The following FAM76A variants were observed in gnomAD, a reference collection of about 807,000 sequenced individuals.
FAM76A encodes family with sequence similarity 76 member A, also known as protein FAM76A.
FAM76A carries 32 observed loss-of-function variants against 46.2 expected under a neutral mutation model. The ratio of observed to expected loss-of-function variants is 0.69; its 90% CI spans 0.52 to 0.93. The LOEUF (loss-of-function observed/expected upper bound fraction) is 0.93. Ranked by LOEUF, FAM76A falls within the 40% of genes least tolerant of loss-of-function variation. The probability of loss-of-function intolerance (pLI) is 0.00; values close to 1 mark genes in which losing one functional copy is unlikely to be tolerated. For missense variants in FAM76A, 274 were observed against 361.5 expected (o/e 0.76, Z 1.96); for synonymous variants, 137 against 127.0 (o/e 1.08, Z -0.53).
chr1:27,727,351 A>C (rs917353689), intron 1 of FAM76A, 121 bp from the exon 2 acceptor site: 1 of 741,642 alleles, frequency 1.3e-6, no homozygotes, highest in African/African-American at 1.8e-5. Flanking sequence ...AGGCCCAGAA[A>C]GTTTAAGTGA....
chr1:27,734,870 A>G (rs1284074402), intron 4 of FAM76A, among the ~76,000 whole-genome samples: 2 of 152,242 alleles, frequency 1.3e-5, no homozygotes, highest in African/African-American at 2.4e-5. Flanking sequence ...GAAATTCAAG[A>G]TTACAAGATT....
chr1:27,734,233 G>A, intron 4 of FAM76A, 50 bp downstream of exon 4: 1 of 1,547,440 alleles, frequency 6.5e-7, no homozygotes. Flanking sequence ...GAGAAATTAA[G>A]GTGGACTAAC....
intron 4 of FAM76A, among the ~76,000 whole-genome samples, chr1:27,737,394 G>A (rs1200107789): frequency 1.3e-5 from 2 of 152,114 alleles, no homozygotes; most frequent in Non-Finnish European, 2.9e-5. Context: ...CTCTTACCTG[G>A]GGAAGGTCTT....
At chr1:27,730,817 GT>G (rs552258337) in intron 2 of FAM76A, among the ~76,000 whole-genome samples, 53 of 152,104 alleles carry the variant, frequency 3.5e-4, no homozygotes, top group Non-Finnish European at 6.6e-4. Context: ...GAATAGACTA[GT>G]TTTTTGTGTG....
intron 2 of FAM76A, among the ~76,000 whole-genome samples, chr1:27,729,770 G>A (rs2087924330): frequency 6.6e-6 from 1 of 152,086 alleles, no homozygotes; most frequent in Non-Finnish European, 1.5e-5. Context: ...TTTTGTGTGT[G>A]TGTGGCAAAA....
rs1571470788 is a variant in FAM76A at position 27,734,194 on chromosome 1, G to GT, written c.354+16dup. The GT allele has an allele frequency of 1.8e-5, 28 of 1,561,368 alleles. No homozygotes were observed. The highest frequency in any genetic ancestry group is 2.4e-5 in the Non-Finnish European group (28 of 1,159,188). On this transcript the variant is annotated intron_variant, in intron 4 of 8. Transcript: ENST00000373954. ...GATGATAGAAAGAAGGTAAATCTCT[G>GT]TTTTTCTTGATTTCTTTTTTTCCTT...
chr1:27,754,128 C>T (rs975637138), intron 6 of FAM76A, among the ~76,000 whole-genome samples: 9 of 109,122 alleles, frequency 8.2e-5, no homozygotes, highest in Admixed American at 3.7e-4. Context: ...TTTTTTGAGA[C>T]GGAGTTTCGC....
intron 6 of FAM76A, among the ~76,000 whole-genome samples, chr1:27,750,890 C>T (rs915911675): frequency 3.9e-5 from 6 of 152,138 alleles, no homozygotes; most frequent in African/African-American, 1.2e-4. Flanking sequence ...TCATTTTGAC[C>T]AGGCACAGTC....
At position 27,742,904 on chromosome 1, in the gene FAM76A, C is replaced by CA. The variant is rs1207423750; in HGVS notation, c.355-1741dup. Among the ~76,000 whole-genome samples the CA allele has an allele frequency of 1.2e-4, 18 of 150,894 alleles. No homozygotes were observed. In the East Asian group the frequency reaches 2.7e-3, roughly 23 times the overall value. ...TGAAACTCCGTCTCTACTAAAAATA[C>CA]AAAAAAAAATTAGCTGGGTGTGATG... On this transcript the variant is annotated intron_variant, in intron 4 of 8. Transcript: ENST00000373954.
chr1:27,760,012 A>G (rs777444974), intron 8 of FAM76A: 23 of 458,094 alleles, frequency 5.0e-5, no homozygotes, highest in South Asian at 2.2e-4. Context: ...GCTTCAAGCA[A>G]TCCTCCCACC....
At chr1:27,748,479 T>G (rs1029690585) in intron 5 of FAM76A, among the ~76,000 whole-genome samples, 8 of 148,544 alleles carry the variant, frequency 5.4e-5, no homozygotes, top group Admixed American at 2.7e-4. Context: ...GTTTTTTTTT[T>G]TTTTTTTTTT....
At chr1:27,733,716 G>T (rs1458295984) in intron 3 of FAM76A, among the ~76,000 whole-genome samples, 1 of 152,098 alleles carries the variant, frequency 6.6e-6, no homozygotes, top group Non-Finnish European at 1.5e-5. Context: ...GGGCATAGTG[G>T]CAGGCACCTG....
At chr1:27,733,726 G>A (rs1471800652) in intron 3 of FAM76A, among the ~76,000 whole-genome samples, 1 of 152,024 alleles carries the variant, frequency 6.6e-6, no homozygotes, top group African/African-American at 2.4e-5. Context: ...GCAGGCACCT[G>A]TAATCCCAGC....
intron 4 of FAM76A, 145 bp from the exon 5 acceptor site, chr1:27,744,509 G>A (rs2148577835): frequency 2.6e-6 from 2 of 755,922 alleles, no homozygotes; most frequent in Non-Finnish European, 2.2e-6. Context: ...CTAGATCCTT[G>A]TAGCAGCCCC....
chr1:27,737,170 A>C (rs2088062861), intron 4 of FAM76A, among the ~76,000 whole-genome samples: 1 of 151,990 alleles, frequency 6.6e-6, no homozygotes, highest in Admixed American at 6.6e-5. Context: ...GCTGCTCTCG[A>C]ATTGCTGATC....
chr1:27,755,068 C>G, intron 6 of FAM76A, 127 bp from the exon 7 acceptor site: 1 of 993,800 alleles, frequency 1.0e-6, no homozygotes, highest in Non-Finnish European at 1.5e-6. Flanking sequence ...ATGTGTGGTG[C>G]AATGTGCTTG....
At chr1:27,759,794 C>G (rs2088476013) in intron 8 of FAM76A, 167 bp downstream of exon 8, 1 of 487,378 alleles carries the variant, frequency 2.1e-6, no homozygotes, top group Non-Finnish European at 3.3e-6. Context: ...TTTTTTGAGA[C>G]AGGTTCTCTG....
chr1:27,739,290 C>T, intron 4 of FAM76A: 2 of 524,844 alleles, frequency 3.8e-6, no homozygotes, highest in Non-Finnish European at 7.8e-6. Context: ...AGAAGAAAAG[C>T]CTTATTGGAA....
intron 5 of FAM76A, among the ~76,000 whole-genome samples, chr1:27,747,555 G>A (rs2088260840): frequency 6.6e-6 from 1 of 152,126 alleles, no homozygotes; most frequent in Admixed American, 6.6e-5. Context: ...AACTTATTGG[G>A]GCTAAAACTG....
Sources: gnomAD v4.1 joint callset for allele counts (sites outside exome capture counted in the v4.1 genomes callset) on GRCh38, gnomAD v4.1.1 for gene constraint, MANE v1.5 for transcripts, NCBI Gene and HGNC (gene_info 2026-07-23, HGNC 2026-07-21) for gene names.